Variants in COL21A1 observed in about 807,000 individuals in gnomAD.
COL21A1 encodes the protein collagen type XXI alpha 1 chain.
Under a neutral mutation model 137.9 loss-of-function variants are expected in COL21A1, and 149 were observed. That is an observed-to-expected ratio of 1.08 (90% CI 0.95 to 1.24). The LOEUF (loss-of-function observed/expected upper bound fraction) is 1.24, where lower values mean the gene tolerates loss of function less well. Ranked by LOEUF, COL21A1 falls within the 50% of genes most tolerant of loss-of-function variation. The pLI, the probability that COL21A1 is intolerant of heterozygous loss-of-function variation, is 0.00. For synonymous variants in COL21A1, 456 were observed against 391.5 expected (o/e 1.16, Z -1.95); for missense variants, 1,167 against 1,158.4 (o/e 1.01, Z -0.11).
At chr6:56,110,769 A>G (rs1771356423) in intron 16 of COL21A1, among the ~76,000 whole-genome samples, 1 of 152,156 alleles carries the variant, frequency 6.6e-6, no homozygotes, top group Non-Finnish European at 1.5e-5. Flanking sequence ...TGAACTTAAC[A>G]GAAGACTTAC....
chr6:56,087,281 T>G (rs1768358453), intron 17 of COL21A1, among the ~76,000 whole-genome samples: 1 of 152,144 alleles, frequency 6.6e-6, no homozygotes, highest in Non-Finnish European at 1.5e-5. Context: ...TTTCATGACA[T>G]TCTCTCTGCT....
rs559234525 is a variant in COL21A1 at position 56,094,228 on chromosome 6, G to A, written c.1812+7244C>T. 6.6e-4 allele frequency among the ~76,000 whole-genome samples: 101 copies of A among 152,160 alleles called. 1 individual carries two copies. Among genetic ancestry groups the A allele is most frequent in the African/African-American group, 2.4e-3 (99 of 41,512 alleles). On this transcript the variant is annotated intron_variant, in intron 17 of 29. Coordinates refer to ENST00000244728, the MANE Select transcript of COL21A1 (RefSeq NM_030820.4). ...AAATATACAAGTTCATCACTTAGAAGTCTTACTTTCCACACAACTGCAGGA... is the reference window on the plus strand; with the variant it reads ...AAATATACAAGTTCATCACTTAGAAATCTTACTTTCCACACAACTGCAGGA...
chr6:56,094,654 C>T (rs1769159944), intron 17 of COL21A1, among the ~76,000 whole-genome samples: 1 of 152,110 alleles, frequency 6.6e-6, no homozygotes, highest in Admixed American at 6.6e-5. Context: ...GAAACAGAAC[C>T]AGCTGAGATA....
chr6:56,358,258 T>C (rs1765882682), intron 1 of COL21A1, among the ~76,000 whole-genome samples: 2 of 152,198 alleles, frequency 1.3e-5, no homozygotes, highest in Non-Finnish European at 2.9e-5. Context: ...GTTCTTGCTG[T>C]TGTTGTTAGG....
intron 1 of COL21A1, among the ~76,000 whole-genome samples, chr6:56,201,112 G>C (rs1779376268): frequency 6.6e-6 from 1 of 152,130 alleles, no homozygotes; most frequent in African/African-American, 2.4e-5. Context: ...CTTTTGAGAA[G>C]TGTCTGTTCA....
intron 10 of COL21A1, 26 bp downstream of exon 10, chr6:56,156,861 G>T: frequency 6.3e-7 from 1 of 1,588,588 alleles, no homozygotes; most frequent in African/African-American, 1.3e-5. Flanking sequence ...AGATATACCG[G>T]AGATGACTAA....
intron 10 of COL21A1, among the ~76,000 whole-genome samples, chr6:56,150,473 G>A (rs1018133809): frequency 3.3e-5 from 5 of 151,744 alleles, no homozygotes; most frequent in African/African-American, 9.7e-5. Flanking sequence ...AGCCGAGAGC[G>A]CGCCACTGCG....
chr6:56,242,660 T>C (rs1038856064), intron 1 of COL21A1, among the ~76,000 whole-genome samples: 1 of 152,206 alleles, frequency 6.6e-6, no homozygotes, highest in African/African-American at 2.4e-5. Flanking sequence ...GAGTATTTCA[T>C]TGGTAAAAAC....
intron 17 of COL21A1, among the ~76,000 whole-genome samples, chr6:56,100,662 A>T (rs1001400347): frequency 6.6e-6 from 1 of 152,180 alleles, no homozygotes; most frequent in Non-Finnish European, 1.5e-5. Context: ...TAATAGCATT[A>T]TATAGAACTT....
intron 1 of COL21A1, among the ~76,000 whole-genome samples, chr6:56,328,308 A>G (rs925845783): frequency 6.6e-6 from 1 of 152,070 alleles, no homozygotes; most frequent in Non-Finnish European, 1.5e-5. Flanking sequence ...TTGATAATAC[A>G]ATATGCATAC....
At chr6:56,358,239 G>A (rs1765881978) in intron 1 of COL21A1, among the ~76,000 whole-genome samples, 1 of 152,040 alleles carries the variant, frequency 6.6e-6, no homozygotes. Context: ...TTCTCAACGA[G>A]ATGTAGATGT....
At chr6:56,376,721 G>GA (rs1468921236) in intron 1 of COL21A1, among the ~76,000 whole-genome samples, 2 of 152,156 alleles carry the variant, frequency 1.3e-5, no homozygotes, top group Non-Finnish European at 2.9e-5. Flanking sequence ...AATTTGATGT[G>GA]AAGTGTTGAA....
At chr6:56,078,318 T>C (rs1463396153) in intron 17 of COL21A1, 5 of 435,562 alleles carry the variant, frequency 1.1e-5, no homozygotes, top group Non-Finnish European at 2.3e-5. Context: ...TCATTTATCA[T>C]GCAAAACAGT....
chr6:56,075,440 CA>C, intron 19 of COL21A1, 38 bp downstream of exon 19: 2 of 1,508,362 alleles, frequency 1.3e-6, no homozygotes, highest in Admixed American at 2.2e-5. Flanking sequence ...AGCAACACTG[CA>C]AACACTTTGA....
chr6:56,195,026 A>G (rs9475607), intron 1 of COL21A1, among the ~76,000 whole-genome samples: 3,285 of 152,170 alleles, frequency 0.022, 124 homozygotes, highest in African/African-American at 0.075. Flanking sequence ...AAAAAAGGAA[A>G]AGAGACCTCA....
At chr6:56,111,944 T>C (rs1043325651) in intron 16 of COL21A1, among the ~76,000 whole-genome samples, 1 of 151,528 alleles carries the variant, frequency 6.6e-6, no homozygotes, top group South Asian at 2.1e-4. Context: ...TTAAAACTGA[T>C]ACTAAAAATA....
intron 16 of COL21A1, among the ~76,000 whole-genome samples, chr6:56,122,306 C>T (rs898646386): frequency 4.2e-5 from 6 of 144,432 alleles, no homozygotes; most frequent in Non-Finnish European, 7.6e-5. Flanking sequence ...CATGGGCATG[C>T]GGTTTCTTTT....
At chr6:56,191,602 A>T (rs1778685560) in intron 1 of COL21A1, among the ~76,000 whole-genome samples, 1 of 151,350 alleles carries the variant, frequency 6.6e-6, no homozygotes, top group African/African-American at 2.4e-5. Context: ...AAAAAAAAAA[A>T]AAAAAATCCA....
intron 1 of COL21A1, among the ~76,000 whole-genome samples, chr6:56,357,880 T>C (rs1295816192): frequency 6.6e-6 from 1 of 152,108 alleles, no homozygotes; most frequent in African/African-American, 2.4e-5. Flanking sequence ...CAGAAGACAA[T>C]ACTGGTAGTG....
Sources: gnomAD v4.1 joint callset for allele counts (sites outside exome capture counted in the v4.1 genomes callset) on GRCh38, gnomAD v4.1.1 for gene constraint, MANE v1.5 for transcripts, NCBI Gene and HGNC (gene_info 2026-07-23, HGNC 2026-07-21) for gene names.